Variants in EML6 observed in about 807,000 individuals in gnomAD.
The protein encoded by EML6 is echinoderm microtubule-associated protein-like 6.
In EML6, 154 loss-of-function variants were observed where a neutral mutation model predicts 240.1. That is an observed-to-expected ratio of 0.64 (90% confidence interval 0.56 to 0.73). The LOEUF (loss-of-function observed/expected upper bound fraction) is 0.73. Ranked by LOEUF, EML6 falls within the 30% of genes least tolerant of loss-of-function variation. The probability of loss-of-function intolerance (pLI) is 0.00; values close to 1 mark genes in which losing one functional copy is unlikely to be tolerated. For synonymous variants in EML6, 1,148 were observed against 899.0 expected (o/e 1.28, Z -4.95); for missense variants, 2,964 against 2,474.6 (o/e 1.20, Z -4.20).
chr2:54,813,122 T>C, intron 2 of EML6, 110 bp from the exon 3 acceptor site: 2 of 772,390 alleles, frequency 2.6e-6, no homozygotes, highest in East Asian at 2.7e-5. Flanking sequence ...TCAGACTCTT[T>C]CTCTTGAGAT....
intron 2 of EML6, among the ~76,000 whole-genome samples, chr2:54,770,916 G>A (rs1054757504): frequency 4.1e-4 from 63 of 152,106 alleles, no homozygotes; most frequent in Admixed American, 3.5e-3. Flanking sequence ...TTTTGTGGAT[G>A]TAGTAATCAT....
At chr2:54,843,703 T>TGTGGTGG (rs1669586566) in intron 7 of EML6, among the ~76,000 whole-genome samples, 2 of 150,900 alleles carry the variant, frequency 1.3e-5, no homozygotes, top group Admixed American at 1.3e-4. Flanking sequence ...ATTAGCCGGG[T>TGTGGTGG]GTGGTGGTGG....
chr2:54,906,713 C>T (rs1673345541), intron 24 of EML6, among the ~76,000 whole-genome samples: 1 of 152,144 alleles, frequency 6.6e-6, no homozygotes, highest in Admixed American at 6.5e-5. Flanking sequence ...GCAAGAATAC[C>T]TGTGAATCTT....
chr2:54,739,716 T>C (rs1438244438), intron 2 of EML6, among the ~76,000 whole-genome samples: 1 of 152,202 alleles, frequency 6.6e-6, no homozygotes, highest in Non-Finnish European at 1.5e-5. Context: ...TCCTAGCCCA[T>C]TCATGGGAGG....
At chr2:54,914,482 A>G (rs778750774) in intron 25 of EML6, among the ~76,000 whole-genome samples, 14 of 152,248 alleles carry the variant, frequency 9.2e-5, no homozygotes, top group Admixed American at 2.0e-4. Flanking sequence ...CAGATGAGCA[A>G]TTATTATATA....
intron 11 of EML6, among the ~76,000 whole-genome samples, chr2:54,859,265 G>T (rs745442539): frequency 2.0e-4 from 30 of 152,192 alleles, no homozygotes; most frequent in Non-Finnish European, 3.4e-4. Flanking sequence ...TTCAGAATCA[G>T]TGAAGCAGTA....
intron 2 of EML6, among the ~76,000 whole-genome samples, chr2:54,769,400 GA>G (rs1668318030): frequency 1.3e-5 from 2 of 152,202 alleles, no homozygotes; most frequent in South Asian, 4.1e-4. Context: ...TTATTTTTGA[GA>G]ATGGATGGGT....
chr2:54,951,268 C>T (rs1032560405), intron 30 of EML6, among the ~76,000 whole-genome samples: 11 of 152,190 alleles, frequency 7.2e-5, no homozygotes, highest in Admixed American at 5.2e-4. Flanking sequence ...CAAGGTGGCT[C>T]ATGCCTGTAA....
At chr2:54,868,886 G>T in intron 14 of EML6, 1 of 306,208 alleles carries the variant, frequency 3.3e-6, no homozygotes, top group Non-Finnish European at 6.0e-6. Flanking sequence ...AGGAATACCT[G>T]TGCCTCATCA....
chr2:54,903,131 C>T lies in EML6; in HGVS notation c.3212C>T (p.Thr1071Ile). 2 of 1,551,738 alleles carry T rather than the reference C, an allele frequency of 1.3e-6. No homozygotes were observed. Among genetic ancestry groups the T allele is most frequent in the African/African-American group, 1.4e-5 (1 of 73,174 alleles). ...AGTTTCCTGGTGGTAAATGCTGACA[C>T]TGTTGAAGACATGGTCTCTTTCCAT... ...DGSFLVVNAD[T>I]VEDMVSFHHR... Residue 1071 changes from threonine (T) to isoleucine (I), a missense_variant, in exon 23 of 42, where the codon ACT becomes ATT. Transcript: ENST00000356458.
intron 16 of EML6, among the ~76,000 whole-genome samples, chr2:54,877,086 G>A (rs1046112652): frequency 1.3e-5 from 2 of 151,578 alleles, no homozygotes; most frequent in South Asian, 2.1e-4. Flanking sequence ...GAGCTCAATC[G>A]ATCCTCCCAA....
At chr2:54,749,409 T>A (rs1467855657) in intron 2 of EML6, among the ~76,000 whole-genome samples, 1 of 152,160 alleles carries the variant, frequency 6.6e-6, no homozygotes, top group Non-Finnish European at 1.5e-5. Context: ...TATGTGATTG[T>A]TTAATTGCTG....
intron 11 of EML6, among the ~76,000 whole-genome samples, chr2:54,857,635 C>T (rs866372457): frequency 1.3e-5 from 2 of 152,110 alleles, no homozygotes; most frequent in Non-Finnish European, 1.5e-5. Flanking sequence ...TGGAATTGGG[C>T]AGTGCAGTGT....
chr2:54,928,253 A>T, intron 26 of EML6, 60 bp from the exon 27 acceptor site: 1 of 1,312,814 alleles, frequency 7.6e-7, no homozygotes, highest in South Asian at 1.3e-5. Context: ...AACATGGATA[A>T]ACGAGCCCAG....
In EML6 at chr2:54,875,618, C is replaced by T. The variant is rs188037929; in HGVS notation, c.2345-3929C>T. ...GATTTAGATTGTTCTTGCCACTTTT[C>T]GAAAGCAAACAAAAGACATTTTTAG... On this transcript the variant is annotated intron_variant, in intron 16 of 41. Transcript: ENST00000356458. 4.6e-5 allele frequency among the ~76,000 whole-genome samples: 7 copies of T among 152,312 alleles called. No individual in the cohort carries two copies. In the East Asian group the frequency reaches 9.6e-4, roughly 21 times the overall value.
intron 2 of EML6, among the ~76,000 whole-genome samples, chr2:54,805,081 A>G (rs1670396165): frequency 1.3e-5 from 2 of 152,166 alleles, no homozygotes; most frequent in East Asian, 1.9e-4. Context: ...ATTCCACTGA[A>G]TGCTCCAGAG....
chr2:54,962,205 T>C (rs1468222632), intron 35 of EML6, among the ~76,000 whole-genome samples: 2 of 151,520 alleles, frequency 1.3e-5, no homozygotes, highest in Non-Finnish European at 1.5e-5. Flanking sequence ...CAAGTTTTTC[T>C]AATAATAGTG....
At chr2:54,961,930 G>C (rs1243726087) in intron 35 of EML6, among the ~76,000 whole-genome samples, 1 of 151,692 alleles carries the variant, frequency 6.6e-6, no homozygotes, top group African/African-American at 2.4e-5. Context: ...CTTGAACCCA[G>C]GAGGCAGAGG....
At chr2:54,906,522 A>C (rs964413223) in intron 24 of EML6, among the ~76,000 whole-genome samples, 1 of 152,154 alleles carries the variant, frequency 6.6e-6, no homozygotes, top group African/African-American at 2.4e-5. Context: ...ATGCTGAGGG[A>C]GGCTCCTGGG....
Sources: allele counts gnomAD v4.1 joint callset (sites outside exome capture counted in the v4.1 genomes callset), GRCh38; gene constraint gnomAD v4.1.1; transcripts MANE v1.5; gene names NCBI Gene and HGNC (gene_info 2026-07-23, HGNC 2026-07-21).